BPIFB2: variants seen among roughly 807,000 people sequenced by gnomAD.
BPIFB2 encodes BPI fold-containing family B member 2.
BPIFB2 carries 39 observed loss-of-function variants against 50.1 expected under a neutral mutation model. The ratio of observed to expected loss-of-function variants is 0.78; its 90% confidence interval spans 0.60 to 1.02. The LOEUF is 1.02. Ranked by LOEUF, BPIFB2 falls within the 50% of genes least tolerant of loss-of-function variation. The probability of loss-of-function intolerance (pLI) is 0.00; values close to 1 mark genes in which losing one functional copy is unlikely to be tolerated. For missense variants in BPIFB2, 574 were observed against 585.8 expected, an observed-to-expected ratio of 0.98 and a Z score of 0.21; for synonymous variants, 280 against 256.3, an observed-to-expected ratio of 1.09 and a Z score of -0.88.
chr20:33,014,580 A>G (rs1990333304), intron 5 of BPIFB2, among the ~76,000 whole-genome samples: 1 of 152,132 alleles, frequency 6.6e-6, no homozygotes, highest in Non-Finnish European at 1.5e-5. Context: ...AACCACATTC[A>G]GGCCCAGGCA....
At chr20:33,019,455 G>A in intron 10 of BPIFB2, 125 bp from the exon 11 acceptor site, 2 of 1,143,472 alleles carry the variant, frequency 1.7e-6, no homozygotes, top group Non-Finnish European at 2.4e-6. Context: ...CACAGAGGGG[G>A]GACCCACCTC....
intron 10 of BPIFB2, 107 bp downstream of exon 10, chr20:33,019,222 A>T: frequency 1.5e-5 from 21 of 1,401,862 alleles, no homozygotes; most frequent in Non-Finnish European, 1.8e-5. Flanking sequence ...AGTGAAGTTC[A>T]GCATCTGTCC....
intron 4 of BPIFB2, among the ~76,000 whole-genome samples, chr20:33,013,445 A>T (rs1447346884): frequency 2.0e-5 from 3 of 152,146 alleles, no homozygotes; most frequent in African/African-American, 7.2e-5. Context: ...GGGTGTTTTC[A>T]CATGATTATC....
intron 11 of BPIFB2, 49 bp from the exon 12 acceptor site, chr20:33,020,277 GCC>G (rs768891160): frequency 1.3e-6 from 2 of 1,567,030 alleles, no homozygotes; most frequent in Non-Finnish European, 1.8e-6. Flanking sequence ...GGTGGCTGGT[GCC>G]CCCCTCATGG....
Position 33,008,563 on chromosome 20 carries a change from G to T in BPIFB2, c.-12G>T, listed in dbSNP as rs1568975207. 1 of 1,574,520 alleles carries T rather than the reference G, an allele frequency of 6.4e-7. No homozygotes were observed. On this transcript the variant is annotated 5_prime_UTR_variant, in exon 2 of 16. Transcript: ENST00000170150. ...CAGCCCACAGATCCTGTGGGCAGCGGCCAGGGCAGCCATGGCTTGGGCAAG... is the reference window on the plus strand; with the variant it reads ...CAGCCCACAGATCCTGTGGGCAGCGTCCAGGGCAGCCATGGCTTGGGCAAG...
At chr20:33,014,091 A>C in intron 5 of BPIFB2, 135 bp downstream of exon 5, 1 of 1,209,058 alleles carries the variant, frequency 8.3e-7, no homozygotes, top group East Asian at 2.6e-5. Flanking sequence ...TGCTTGTTTT[A>C]TGTCGGAGGA....
chr20:33,020,660 G>T, intron 13 of BPIFB2, 73 bp downstream of exon 13: 1 of 1,486,068 alleles, frequency 6.7e-7, no homozygotes, highest in Middle Eastern at 1.8e-4. Flanking sequence ...GGAAGAGATG[G>T]CTGTGTACAT....
In BPIFB2 at chr20:33,021,250, C is replaced by T. The variant is rs376807492; in HGVS notation, c.1195-31C>T. 3.0e-5 allele frequency: 49 copies of T among 1,611,690 alleles called. No individual in the cohort carries two copies. The African/African-American group carries it at 3.6e-4, about 12-fold the overall frequency. The stretch of plus-strand genomic sequence containing the variant: ...ATCTCTCCTGGCCCCTCGGCTGGGA[C>T]GGGCCCATCTCCCTGGCTCCGTGGC... On this transcript the variant is annotated intron_variant, in intron 13 of 15. Transcript: ENST00000170150.
At chr20:33,010,471 G>A (rs1990270603) in intron 2 of BPIFB2, among the ~76,000 whole-genome samples, 1 of 152,240 alleles carries the variant, frequency 6.6e-6, no homozygotes, top group Admixed American at 6.5e-5. Context: ...TAGAATCATT[G>A]CAGATGTATA....
chr20:33,011,287 G>A (rs1182068828), intron 3 of BPIFB2, among the ~76,000 whole-genome samples, 170 bp downstream of exon 3: 1 of 152,208 alleles, frequency 6.6e-6, no homozygotes, highest in Admixed American at 6.5e-5. Flanking sequence ...TCCACTGAAG[G>A]TGAGTGCTCC....
intron 9 of BPIFB2, 79 bp downstream of exon 9, chr20:33,018,901 C>A: frequency 6.4e-7 from 1 of 1,569,868 alleles, no homozygotes; most frequent in South Asian, 1.2e-5. Context: ...TCCCAGAGGC[C>A]AAATCATGGG....
At chr20:33,019,878 C>G (rs755332431) in intron 11 of BPIFB2, 128 bp downstream of exon 11, 3 of 1,229,136 alleles carry the variant, frequency 2.4e-6, no homozygotes, top group Non-Finnish European at 3.3e-6. Flanking sequence ...TGTCAGGACA[C>G]TCCCGCCCCA....
At position 33,018,270 on chromosome 20, in the gene BPIFB2, G is replaced by A. The variant is rs147688509; in HGVS notation, c.589G>A (p.Val197Met). ...HLGTLIGLNPVGPESQIRYSM... is the reference protein window; with the variant it reads ...HLGTLIGLNPMGPESQIRYSM... ...CTGGTTTCATGAAGGCCTCAACCCC[G>A]TGGGTCCTGAGTCCCAGATCCGCTA... The change falls in exon 8 of 16, where the codon GTG (valine) becomes ATG (methionine). Residue 197 changes from valine (V) to methionine (M), a missense_variant. Transcript: ENST00000170150. 628 of 1,613,238 alleles carry A rather than the reference G, an allele frequency of 3.9e-4. 4 individuals carry two copies. The African/African-American group carries it at 5.5e-3, about 14-fold the overall frequency.
At position 33,020,395 on chromosome 20, in the gene BPIFB2, GGTAAA is replaced by G. The variant is rs1978618641; in HGVS notation, c.1148+1_1148+5del. ...CTTCAGGGGACCACGTCTGTGCTGG[GGTAAA>G]CGAGCCCACCTGGACCCAGCAGCCT... On this transcript the variant is annotated splice_donor_variant and splice_donor_5th_base_variant and intron_variant, in intron 12 of 15. Transcript: ENST00000170150. LOFTEE classifies it high-confidence loss of function. 6.2e-7 allele frequency: 1 copy of G among 1,613,932 alleles called. No homozygotes were observed. Among genetic ancestry groups the G allele is most frequent in the Non-Finnish European group, 8.5e-7 (1 of 1,179,988 alleles).
At chr20:33,012,956 C>T (rs1014447537) in intron 4 of BPIFB2, 49 bp downstream of exon 4, 26 of 1,502,114 alleles carry the variant, frequency 1.7e-5, no homozygotes, top group Non-Finnish European at 1.9e-5. Flanking sequence ...GGGGATGCTC[C>T]GAGGGATACA....
chr20:33,014,229 G>A (rs1990326880), intron 5 of BPIFB2, among the ~76,000 whole-genome samples: 1 of 152,218 alleles, frequency 6.6e-6, no homozygotes, highest in African/African-American at 2.4e-5. Context: ...ACTCTTTGGG[G>A]AGGGATTTTG....
chr20:33,019,835 A>G (rs1978593065), intron 11 of BPIFB2, 85 bp downstream of exon 11: 1 of 1,414,554 alleles, frequency 7.1e-7, no homozygotes, highest in Non-Finnish European at 9.4e-7. Context: ...TCTTTGCTCT[A>G]CTCACACTAT....
intron 7 of BPIFB2, 72 bp downstream of exon 7, chr20:33,017,174 G>A: frequency 4.2e-6 from 6 of 1,437,324 alleles, no homozygotes; most frequent in Non-Finnish European, 4.8e-6. Flanking sequence ...CCCTCCAAAG[G>A]CTCCACTCTG....
chr20:33,019,626 G>T lies in BPIFB2; in HGVS notation c.956G>T (p.Arg319Leu), dbSNP rs746477434. 7.5e-6 allele frequency: 12 copies of T among 1,610,294 alleles called. No homozygotes were observed. In the African/African-American group the frequency reaches 1.3e-4, roughly 18 times the overall value. ...PEPMPVVLKV[R>L]LGATPVAMLH... ...CCCATGCCTGTGGTGCTCAAGGTGC[G>T]GCTGGGTGCCACACCTGTGGCCATG... is the stretch of plus-strand genomic sequence containing the variant. The change falls in exon 11 of 16, where the codon CGG becomes CTG. Residue 319 changes from arginine to leucine, a missense_variant. Coordinates refer to ENST00000170150, the MANE Select transcript of BPIFB2 (RefSeq NM_025227.3).
Sources: allele counts gnomAD v4.1 joint callset (sites outside exome capture counted in the v4.1 genomes callset), GRCh38; gene constraint gnomAD v4.1.1; transcripts MANE v1.5; gene names NCBI Gene and HGNC (gene_info 2026-07-23, HGNC 2026-07-21).